The following ZNF292 variants were observed in gnomAD, a reference collection of about 807,000 sequenced individuals.
ZNF292 encodes the protein 16 zinc-finger domain protein.
Under a neutral mutation model 217.9 loss-of-function variants are expected in ZNF292, and 26 were observed. The ratio of observed to expected loss-of-function variants is 0.12; its 90% CI spans 0.09 to 0.17. The LOEUF (loss-of-function observed/expected upper bound fraction) is 0.17, where lower values mean the gene tolerates loss of function less well. Among genes scored for constraint, ZNF292 ranks in the 10% least tolerant of loss-of-function variants. ZNF292 has a pLI of 1.00. For synonymous variants in ZNF292, 1,257 were observed against 1,124.1 expected, an observed-to-expected ratio of 1.12 and a Z score of -2.37; for missense variants, 2,904 against 3,175.2, an observed-to-expected ratio of 0.91 and a Z score of 2.05.
chr6:87,264,986 AT>A lies in ZNF292; in HGVS notation c.*3186del, dbSNP rs1172368706. Reference sequence around the variant, plus strand: ...TGGATAAGAGAGATAATAAAAAGTAATGTCTAAGGCAGCCTGTTTCAGCATG... The same window carrying A: ...TGGATAAGAGAGATAATAAAAAGTAAGTCTAAGGCAGCCTGTTTCAGCATG... On this transcript the variant is annotated 3_prime_UTR_variant, in exon 8 of 8. Coordinates refer to ENST00000369577, the MANE Select transcript of ZNF292 (RefSeq NM_015021.3). Among the ~76,000 whole-genome samples, 3 of 152,268 alleles carry A rather than the reference AT, an allele frequency of 2.0e-5. No individual in the cohort carries two copies. Among genetic ancestry groups the A allele is most frequent in the Non-Finnish European group, 2.9e-5 (2 of 68,024 alleles).
In ZNF292 at chr6:87,259,052, A is replaced by T. The variant is rs1562190641; in HGVS notation, c.5423A>T (p.Asp1808Val). The change falls in exon 8 of 8, where the codon GAT becomes GTT. Residue 1808 changes from aspartate (D) to valine (V), a missense_variant. This residue lies in a region of ZNF292 where 622 missense variants were observed against 573.1 expected (regional missense o/e 1.09). Coordinates refer to ENST00000369577, the MANE Select transcript of ZNF292 (RefSeq NM_015021.3). ...VNTVQNNKLP[D>V]SSPFSSFISV... ...ACTGTGCAAAATAACAAATTACCCG[A>T]TTCTTCTCCGTTTTCCTCCTTTATA... 1.2e-6 allele frequency: 2 copies of T among 1,613,464 alleles called. No individual in the cohort carries two copies. Among genetic ancestry groups the T allele is most frequent in the Admixed American group, 3.3e-5 (2 of 59,878 alleles).
At chr6:87,166,620 G>A (rs544028295) in intron 1 of ZNF292, among the ~76,000 whole-genome samples, 1 of 152,300 alleles carries the variant, frequency 6.6e-6, no homozygotes, top group Admixed American at 6.5e-5. Context: ...CACTTGCTCT[G>A]AGAGTTACTT....
At chr6:87,241,139 C>T (rs1407671005) in intron 5 of ZNF292, among the ~76,000 whole-genome samples, 2 of 152,136 alleles carry the variant, frequency 1.3e-5, no homozygotes. Flanking sequence ...AAAACATTAG[C>T]TGGGCGTGGT....
chr6:87,233,568 G>T, intron 5 of ZNF292, 41 bp downstream of exon 5: 2 of 1,572,960 alleles, frequency 1.3e-6, no homozygotes, highest in South Asian at 2.4e-5. Context: ...TTTTTAAGTT[G>T]AGAAATTAAT....
intron 5 of ZNF292, among the ~76,000 whole-genome samples, chr6:87,243,158 T>C (rs373265280): frequency 6.6e-6 from 1 of 152,108 alleles, no homozygotes; most frequent in African/African-American, 2.4e-5. Flanking sequence ...GGGTAGAGAT[T>C]GCTTATAGTT....
At chr6:87,246,958 C>T (rs1229489914) in intron 7 of ZNF292, among the ~76,000 whole-genome samples, 1 of 152,130 alleles carries the variant, frequency 6.6e-6, no homozygotes, top group Non-Finnish European at 1.5e-5. Context: ...AGTTCAAGAC[C>T]AGCCTGGCCA....
At chr6:87,165,934 T>A (rs958108588) in intron 1 of ZNF292, among the ~76,000 whole-genome samples, 1 of 152,024 alleles carries the variant, frequency 6.6e-6, no homozygotes, top group Non-Finnish European at 1.5e-5. Context: ...GTTTTTGTAT[T>A]TTTAGTAGAT....
Position 87,179,158 on chromosome 6 carries a change from C to CTTTTT in ZNF292, c.168+23412_168+23416dup, listed in dbSNP as rs10670719. Reference sequence around the variant, plus strand: ...AAGTCTGTATTTGTGATATATGTGGCTTTTTTTTTTTTTTTTTGGGAGATG... The same window carrying CTTTTT: ...AAGTCTGTATTTGTGATATATGTGGCTTTTTTTTTTTTTTTTTTTTTTGGGAGATG... On this transcript the variant is annotated intron_variant, in intron 1 of 7. Transcript: ENST00000369577. 1.1e-3 allele frequency among the ~76,000 whole-genome samples: 125 copies of CTTTTT among 116,314 alleles called. 6 individuals are homozygous for CTTTTT. The highest frequency in any genetic ancestry group is 2.0e-3 in the African/African-American group (62 of 31,246). The allele number at this position is 116,314 out of a possible 152,430, so 76.3% of individuals were successfully genotyped here.
Position 87,259,637 on chromosome 6 carries a change from C to T in ZNF292, c.6008C>T (p.Thr2003Ile). The change falls in exon 8 of 8, where the codon ACA (threonine) becomes ATA (isoleucine). Residue 2003 changes from threonine (T) to isoleucine (I), a missense_variant. Transcript: ENST00000369577. ...QSENVPASRS[T>I]QVKKQLAMTE... Reference sequence around the variant, plus strand: ...GAAAATGTGCCGGCCTCACGAAGTACACAAGTGAAAAAACAGCTAGCTATG... The same window carrying T: ...GAAAATGTGCCGGCCTCACGAAGTATACAAGTGAAAAAACAGCTAGCTATG... The T allele has an allele frequency of 1.9e-6, 3 of 1,584,978 alleles. No homozygotes were observed. The highest frequency in any genetic ancestry group is 2.6e-6 in the Non-Finnish European group (3 of 1,165,082).
intron 3 of ZNF292, among the ~76,000 whole-genome samples, chr6:87,217,383 A>C (rs1772842597): frequency 6.6e-6 from 1 of 152,088 alleles, no homozygotes; most frequent in South Asian, 2.1e-4. Context: ...GTTTGTTGAA[A>C]TGAAAGTGTC....
chr6:87,231,319 C>G (rs1469257642), intron 4 of ZNF292, among the ~76,000 whole-genome samples: 1 of 150,968 alleles, frequency 6.6e-6, no homozygotes, highest in Non-Finnish European at 1.5e-5. Context: ...ACCCAGTAGT[C>G]AAATAGAAAA....
At chr6:87,208,657 C>T (rs960466808) in intron 1 of ZNF292, among the ~76,000 whole-genome samples, 2 of 151,878 alleles carry the variant, frequency 1.3e-5, no homozygotes, top group African/African-American at 4.8e-5. Flanking sequence ...AAAATGTCTA[C>T]TGGTCTTTAA....
chr6:87,169,357 G>T (rs1413333902), intron 1 of ZNF292, among the ~76,000 whole-genome samples: 2 of 151,306 alleles, frequency 1.3e-5, no homozygotes, highest in Non-Finnish European at 3.0e-5. Flanking sequence ...TTTTTTTCCA[G>T]TGTATTTTCC....
intron 1 of ZNF292, among the ~76,000 whole-genome samples, chr6:87,171,237 C>T (rs1368341708): frequency 6.6e-6 from 1 of 152,028 alleles, no homozygotes; most frequent in Non-Finnish European, 1.5e-5. Context: ...ATAGTTGAAA[C>T]CTTTCCTTTG....
chr6:87,220,421 G>A (rs1287436307), intron 4 of ZNF292, among the ~76,000 whole-genome samples: 3 of 152,154 alleles, frequency 2.0e-5, no homozygotes, highest in African/African-American at 7.2e-5. Flanking sequence ...GAAAATAGAG[G>A]TTCAGAAAGA....
rs781681797 is a variant in ZNF292, at chr6:87,257,739, C to G, written c.4110C>G (p.Ile1370Met). ...HNKRAKWPAIIRDGKFICSRC... is the reference protein window; with the variant it reads ...HNKRAKWPAIMRDGKFICSRC... ...AAAGGGCTAAATGGCCTGCAATTAT[C>G]AGAGATGGGAAATTTATCTGTAGCA... The change falls in exon 8 of 8, where the codon ATC (isoleucine) becomes ATG (methionine). Residue 1370 changes from isoleucine to methionine, a missense_variant. Ile to Met is a conservative substitution (Grantham distance 10). This residue lies in a region of ZNF292 where 23 missense variants were observed against 51.3 expected (regional missense o/e 0.45). Transcript: ENST00000369577. 6 of 1,613,508 alleles carry G rather than the reference C, an allele frequency of 3.7e-6. No homozygotes were observed. Among genetic ancestry groups the G allele is most frequent in the East Asian group, 2.2e-5 (1 of 44,876 alleles).
chr6:87,230,150 A>C (rs1773572551), intron 4 of ZNF292, among the ~76,000 whole-genome samples: 1 of 152,196 alleles, frequency 6.6e-6, no homozygotes, highest in South Asian at 2.1e-4. Flanking sequence ...GAATAGATGG[A>C]AATGTGGAGA....
Position 87,259,885 on chromosome 6 carries a change from A to G in ZNF292, c.6256A>G (p.Lys2086Glu). Residue 2086 changes from lysine to glutamate, a missense_variant, in exon 8 of 8, where the codon AAA becomes GAA. Lys to Glu is a moderately conservative substitution (Grantham distance 56). Transcript: ENST00000369577. ...QTKGRKIRRH[K>E]KEKEEKKRKK... ...CAAAGGACGGAAGATTAGGAGGCAT[A>G]AAAAAGAAAAGGAGGAGAAAAAACG... 1 of 1,613,548 alleles carries G rather than the reference A, an allele frequency of 6.2e-7. No individual in the cohort carries two copies. Among genetic ancestry groups the G allele is most frequent in the South Asian group, 1.1e-5 (1 of 91,062 alleles).
At chr6:87,220,267 A>G (rs1199711210) in intron 4 of ZNF292, among the ~76,000 whole-genome samples, 1 of 152,176 alleles carries the variant, frequency 6.6e-6, no homozygotes, top group African/African-American at 2.4e-5. Flanking sequence ...TTTTAGAAAT[A>G]TTAGATGTGA....
Sources: allele counts gnomAD v4.1 joint callset (sites outside exome capture counted in the v4.1 genomes callset), GRCh38; gene constraint gnomAD v4.1.1; regional missense constraint gnomAD v4.1.1; transcripts MANE v1.5; gene names NCBI Gene and HGNC (gene_info 2026-07-23, HGNC 2026-07-21).